Variants in FRMPD4 observed in about 807,000 individuals in gnomAD.
FRMPD4 encodes the protein FERM and PDZ domain-containing protein 4.
FRMPD4 carries 22 observed loss-of-function variants against 94.1 expected under a neutral mutation model. The ratio of observed to expected loss-of-function variants is 0.23; its 90% CI spans 0.17 to 0.33. The LOEUF (loss-of-function observed/expected upper bound fraction) is 0.33. Ranked by LOEUF, FRMPD4 falls within the 10% of genes least tolerant of loss-of-function variation. The pLI, the probability that FRMPD4 is intolerant of heterozygous loss-of-function variation, is 1.00. For synonymous variants in FRMPD4, 631 were observed against 548.6 expected (o/e 1.15, Z -2.10); for missense variants, 1,111 against 1,339.9 (o/e 0.83, Z 2.67).
At chrX:11,851,407 T>G (rs1403525042) in intron 1 of FRMPD4, among the ~76,000 whole-genome samples, 1 of 111,252 alleles carries the variant, frequency 9.0e-6, no homozygotes, top group Non-Finnish European at 1.9e-5. Context: ...AAATGAGAGC[T>G]CTGGCTGTGC....
chrX:12,590,437 A>T (rs1018048234), intron 2 of FRMPD4, among the ~76,000 whole-genome samples: 1 of 112,039 alleles, frequency 8.9e-6, no homozygotes, highest in African/African-American at 3.2e-5. Flanking sequence ...CATAGTCTTG[A>T]TTGATTGCCT....
chrX:11,844,893 T>C (rs373585237), intron 1 of FRMPD4, among the ~76,000 whole-genome samples: 2 of 112,322 alleles, frequency 1.8e-5, no homozygotes, highest in South Asian at 7.3e-4. Context: ...TATTCTTCAA[T>C]CTTTTTTACC....
intron 2 of FRMPD4, among the ~76,000 whole-genome samples, chrX:12,565,866 C>T (rs2058706673): frequency 8.9e-6 from 1 of 111,886 alleles, no homozygotes; most frequent in African/African-American, 3.3e-5. Context: ...GCCATCTTTG[C>T]AACTTTTGTA....
rs186750145 is a variant in FRMPD4 at position 12,235,994 on chromosome X, C to T, written c.41+96982C>T. 1.3e-4 allele frequency among the ~76,000 whole-genome samples: 14 copies of T among 111,335 alleles called. No homozygotes were observed. The East Asian group carries it at 2.0e-3, about 16-fold the overall frequency. ...GCCACTTCCCAACCACCTGCCCCTC[C>T]GGCCTATCTCCCTCCACCTGTTCCT... On this transcript the variant is annotated intron_variant, in intron 1 of 16. Transcript: ENST00000675598.
intron 3 of FRMPD4, among the ~76,000 whole-genome samples, chrX:11,929,667 C>T (rs1210396627): frequency 8.9e-6 from 1 of 112,009 alleles, no homozygotes; most frequent in Non-Finnish European, 1.9e-5. Flanking sequence ...ATGTGAGGCC[C>T]TATGCAATGT....
intron 2 of FRMPD4, among the ~76,000 whole-genome samples, chrX:12,585,863 A>G (rs1445334238): frequency 8.9e-6 from 1 of 112,533 alleles, no homozygotes; most frequent in Non-Finnish European, 1.9e-5. Context: ...AAAAAGAATA[A>G]TATTTTGTTC....
At chrX:12,638,638 C>A (rs931807043) in intron 4 of FRMPD4, among the ~76,000 whole-genome samples, 6 of 69,426 alleles carry the variant, frequency 8.6e-5, no homozygotes, top group Non-Finnish European at 1.3e-4. Context: ...ACCTTTTGTT[C>A]CCTGGCTATT....
chrX:12,489,882 C>T (rs751483679), intron 1 of FRMPD4, among the ~76,000 whole-genome samples: 4 of 111,662 alleles, frequency 3.6e-5, no homozygotes, highest in Non-Finnish European at 7.5e-5. Context: ...GCCAGGACAA[C>T]GTCCAGGTTG....
intron 4 of FRMPD4, among the ~76,000 whole-genome samples, chrX:12,674,286 A>C (rs2059872684): frequency 8.9e-6 from 1 of 111,754 alleles, no homozygotes; most frequent in Non-Finnish European, 1.9e-5. Context: ...CATTGTGACC[A>C]GGGACTTACT....
chrX:12,538,383 G>C (rs1324363380), intron 2 of FRMPD4, among the ~76,000 whole-genome samples: 1 of 111,314 alleles, frequency 9.0e-6, no homozygotes, highest in Non-Finnish European at 1.9e-5. Flanking sequence ...CCTGCCTGTA[G>C]ACTCCACCTC....
At chrX:11,928,270 A>C (rs2054100839) in intron 3 of FRMPD4, among the ~76,000 whole-genome samples, 1 of 112,265 alleles carries the variant, frequency 8.9e-6, no homozygotes, top group African/African-American at 3.2e-5. Context: ...TTTAGAAAGG[A>C]AAGAGGTTGA....
chrX:11,899,259 A>C (rs943606207), intron 3 of FRMPD4, among the ~76,000 whole-genome samples: 5 of 111,862 alleles, frequency 4.5e-5, no homozygotes, highest in Non-Finnish European at 9.4e-5. Context: ...TGACTATAGC[A>C]AGAGGAATGT....
intron 3 of FRMPD4, among the ~76,000 whole-genome samples, chrX:12,080,014 C>T (rs887347918): frequency 7.1e-5 from 8 of 112,280 alleles, no homozygotes; most frequent in African/African-American, 2.6e-4. Context: ...AAAATTGTTG[C>T]TGAGCCAGTT....
chrX:12,421,257 CCTTTA>C (rs1358092574), intron 1 of FRMPD4, among the ~76,000 whole-genome samples: 1 of 111,794 alleles, frequency 8.9e-6, no homozygotes, highest in African/African-American at 3.3e-5. Context: ...TCAAATGTGA[CCTTTA>C]CTTATAAAAA....
At chrX:12,472,867 G>A (rs1255243444) in intron 1 of FRMPD4, among the ~76,000 whole-genome samples, 4 of 111,089 alleles carry the variant, frequency 3.6e-5, no homozygotes, top group Non-Finnish European at 7.5e-5. Flanking sequence ...GGGGAGAATG[G>A]AACCAAGTTG....
At chrX:12,039,875 A>G (rs761047311) in intron 3 of FRMPD4, among the ~76,000 whole-genome samples, 1 of 106,970 alleles carries the variant, frequency 9.3e-6, no homozygotes, top group East Asian at 3.0e-4. Context: ...AGGCTGAGGC[A>G]GGAGAATCTC....
At chrX:12,084,756 T>C (rs929498424) in intron 3 of FRMPD4, among the ~76,000 whole-genome samples, 1 of 112,271 alleles carries the variant, frequency 8.9e-6, no homozygotes, top group Admixed American at 9.4e-5. Context: ...CCACATTGGT[T>C]GGAAGCTTTG....
chrX:12,682,649 G>A (rs2059984116), intron 5 of FRMPD4, among the ~76,000 whole-genome samples: 1 of 111,943 alleles, frequency 8.9e-6, no homozygotes, highest in Non-Finnish European at 1.9e-5. Flanking sequence ...TGCAACAATG[G>A]TGATTCTCAG....
chrX:12,669,995 T>A (rs1266103976), intron 4 of FRMPD4, among the ~76,000 whole-genome samples: 4 of 112,526 alleles, frequency 3.6e-5, no homozygotes, highest in Non-Finnish European at 7.5e-5. Context: ...GCATCAAGGA[T>A]GACTAACAAG....
Sources: gnomAD v4.1 joint callset for allele counts (sites outside exome capture counted in the v4.1 genomes callset) on GRCh38, gnomAD v4.1.1 for gene constraint, MANE v1.5 for transcripts, NCBI Gene and HGNC (gene_info 2026-07-23, HGNC 2026-07-21) for gene names.